GRID2IP: variants seen among roughly 807,000 people sequenced by gnomAD.
GRID2IP encodes delphilin.
In GRID2IP, 78 loss-of-function variants were observed where a neutral mutation model predicts 114.3. The observed-to-expected ratio is 0.68, with a 90% CI of 0.57 to 0.82. The LOEUF (loss-of-function observed/expected upper bound fraction) is 0.82. Ranked by LOEUF, GRID2IP falls within the 40% of genes least tolerant of loss-of-function variation. The pLI is 0.00. For synonymous variants in GRID2IP, 809 were observed against 724.0 expected (o/e 1.12, Z -1.89); for missense variants, 1,727 against 1,678.5 (o/e 1.03, Z -0.51).
intron 20 of GRID2IP, among the ~76,000 whole-genome samples, chr7:6,500,999 G>T (rs1786398606): frequency 6.6e-6 from 1 of 152,164 alleles, no homozygotes; most frequent in Non-Finnish European, 1.5e-5. Context: ...TGGCTTTGGG[G>T]CACTCAAAAG....
rs1218531868 is a variant in GRID2IP, at chr7:6,510,310, G to C, written c.1744C>G (p.Pro582Ala). The change falls in exon 11 of 22, where the codon CCA becomes GCA. Residue 582 changes from proline (P) to alanine (A), a missense_variant. Physicochemically the swap from Pro to Ala is conservative, Grantham distance 27. Coordinates refer to ENST00000457091, the MANE Select transcript of GRID2IP (RefSeq NM_001145118.2). Reference protein sequence around the residue: ...GTVSKSRASPPGPSPAVTTGP... With the variant: ...GTVSKSRASPAGPSPAVTTGP... ...GTGGTGACTGCTGGGCTGGGGCCTG[G>C]AGGGGAAGCCCGGGATTTGGACACG... 6.5e-7 allele frequency: 1 copy of C among 1,547,302 alleles called. No individual in the cohort carries two copies. Among genetic ancestry groups the C allele is most frequent in the African/African-American group, 1.4e-5 (1 of 72,926 alleles).
In GRID2IP at chr7:6,551,179, G is replaced by T. The variant is rs1298141374; in HGVS notation, c.258C>A (p.Asp86Glu). 2.9e-6 allele frequency: 4 copies of T among 1,377,938 alleles called. No individual in the cohort carries two copies. The highest frequency in any genetic ancestry group is 7.9e-5 in the Admixed American group (2 of 25,414). 85.4% of individuals were successfully genotyped at this position (1,377,938 alleles called of 1,614,324 possible). A position where few individuals can be genotyped will look rare whatever the true frequency, so the allele number is the denominator to read the frequency against. The stretch of plus-strand genomic sequence containing the variant: ...GGCCGGATCCTGGGCCGGGGCCACC[G>T]TCGGGAGCCGGGAGCACGCCCAGAC... The part of the protein sequence containing the change: ...PPSLGVLPAP[D>E]GGPGPGSGPA... The change falls in exon 1 of 22, where the codon GAC becomes GAA. Residue 86 changes from aspartate to glutamate, a missense_variant. Asp to Glu is a conservative substitution (Grantham distance 45). Transcript: ENST00000457091.
At chr7:6,503,774 G>A (rs1786489133) in intron 15 of GRID2IP, 87 bp from the exon 16 acceptor site, 2 of 1,012,678 alleles carry the variant, frequency 2.0e-6, no homozygotes, top group Non-Finnish European at 2.7e-6. Context: ...CAGAGGCGGG[G>A]AGAGGGCGGA....
At chr7:6,544,817 C>A (rs1562526092) in intron 1 of GRID2IP, among the ~76,000 whole-genome samples, 1 of 151,978 alleles carries the variant, frequency 6.6e-6, no homozygotes, top group Non-Finnish European at 1.5e-5. Flanking sequence ...CGCGGTGGCT[C>A]ATGCCTGTAA....
intron 2 of GRID2IP, among the ~76,000 whole-genome samples, chr7:6,530,566 G>A (rs1227153057): frequency 3.4e-5 from 5 of 147,408 alleles, no homozygotes; most frequent in African/African-American, 5.1e-5. Flanking sequence ...GAGCCACCGC[G>A]CCTGGCCCCC....
At position 6,511,495 on chromosome 7, in the gene GRID2IP, C is replaced by T. The variant is rs899677310; in HGVS notation, c.1424-456G>A. 9.0e-4 allele frequency among the ~76,000 whole-genome samples: 137 copies of T among 152,042 alleles called. 2 individuals carry two copies. The highest frequency in any genetic ancestry group is 3.7e-4 in the Non-Finnish European group (25 of 67,990). ...TCAAGCGATTCTCCTGCCTCAGCCTCCCAAGTAGCTGGGATTACAGGTGTC... is the reference window on the plus strand; with the variant it reads ...TCAAGCGATTCTCCTGCCTCAGCCTTCCAAGTAGCTGGGATTACAGGTGTC... On this transcript the variant is annotated intron_variant, in intron 8 of 21. Coordinates refer to ENST00000457091, the MANE Select transcript of GRID2IP (RefSeq NM_001145118.2).
chr7:6,542,910 A>T (rs745852434), intron 1 of GRID2IP, among the ~76,000 whole-genome samples: 14 of 152,126 alleles, frequency 9.2e-5, no homozygotes, highest in Non-Finnish European at 1.5e-4. Context: ...GCTGGAGCTG[A>T]CCCTGAAGCA....
chr7:6,536,978 G>C lies in GRID2IP; in HGVS notation c.584+2740C>G. The C allele has an allele frequency of 2.2e-6, 1 of 456,850 alleles. No homozygotes were observed. Among genetic ancestry groups the C allele is most frequent in the Non-Finnish European group, 4.0e-6 (1 of 252,384 alleles). The allele number at this position is 456,850 out of a possible 1,614,324, so 28.3% of individuals were successfully genotyped here. A position where few individuals can be genotyped will look rare whatever the true frequency, so the allele number is the denominator to read the frequency against. On this transcript the variant is annotated intron_variant, in intron 2 of 21. Transcript: ENST00000457091. The surrounding 1 kb of genome is among the most constrained non-coding windows in gnomAD (Gnocchi z 5.3). The stretch of plus-strand genomic sequence containing the variant: ...GACATTGGCCAGGCCCAGAGGGAGG[G>C]GCAGGCTGCGGGGTGAATGGCAGCA...
In GRID2IP at chr7:6,512,231, CTTTT is replaced by C. The variant is rs1002835555; in HGVS notation, c.1424-1196_1424-1193del. ...CACACCTGCCTTTTTTTCTTTTCTT[CTTTT>C]TTTTTTTTTTTTTTGTGACAGGTCT... is the stretch of plus-strand genomic sequence containing the variant. On this transcript the variant is annotated intron_variant, in intron 8 of 21. Transcript: ENST00000457091. Among the ~76,000 whole-genome samples, 6 of 90,192 alleles carry C rather than the reference CTTTT, an allele frequency of 6.7e-5. 1 individual carries two copies. Among genetic ancestry groups the C allele is most frequent in the Non-Finnish European group, 1.1e-4 (5 of 47,368 alleles). The allele number at this position is 90,192 out of a possible 152,430, so 59.2% of individuals were successfully genotyped here.
At chr7:6,502,256 G>T in intron 18 of GRID2IP, 138 bp from the exon 19 acceptor site, 1 of 773,144 alleles carries the variant, frequency 1.3e-6, no homozygotes, top group Non-Finnish European at 2.1e-6. Context: ...GCAGGGTCTT[G>T]CTCTGTTGCC....
chr7:6,526,504 C>T lies in GRID2IP; in HGVS notation c.833+17G>A. 7.5e-7 allele frequency: 1 copy of T among 1,335,084 alleles called. No individual in the cohort carries two copies. The highest frequency in any genetic ancestry group is 9.6e-7 in the Non-Finnish European group (1 of 1,044,704). 82.7% of individuals were successfully genotyped at this position (1,335,084 alleles called of 1,614,324 possible). On this transcript the variant is annotated intron_variant, in intron 3 of 21. Transcript: ENST00000457091. This position sits in a 1 kb window ranked among gnomAD's most constrained non-coding sequence, Gnocchi z 7.6. ...GCAGGGAGGCGCCCGCTGCCAGTGC[C>T]TGTGAGCCCCGCGTACCTGCGCGCG...
intron 2 of GRID2IP, among the ~76,000 whole-genome samples, chr7:6,535,611 A>G (rs1252084318): frequency 1.3e-5 from 2 of 152,066 alleles, no homozygotes; most frequent in African/African-American, 4.8e-5. Context: ...CACACCTGTA[A>G]TCCCAGCACT....
Position 6,508,258 on chromosome 7 carries a change from T to C in GRID2IP, c.2271A>G (p.Pro757=), listed in dbSNP as rs897429366. ...CATGGAAAGGCAGGGGTGGCGGTGG[T>C]GGGGGGCTGAGCGGGGGTGGGGGGA... The part of the protein sequence containing the change: ...DHIPPPPLSP[P]PPPPLPFHDA... The change falls in exon 13 of 22, where the codon CCA becomes CCG. Residue 757 remains proline, a synonymous_variant. Transcript: ENST00000457091. This position sits in a 1 kb window ranked among gnomAD's most constrained non-coding sequence, Gnocchi z 5.6. 8 of 312,940 alleles carry C rather than the reference T, an allele frequency of 2.6e-5. No individual in the cohort carries two copies. Among genetic ancestry groups the C allele is most frequent in the Non-Finnish European group, 3.5e-5 (8 of 226,386 alleles). 19.4% of individuals were successfully genotyped at this position (312,940 alleles called of 1,614,324 possible).
At position 6,508,507 on chromosome 7, in the gene GRID2IP, A is replaced by G; in HGVS notation, c.2128-106T>C. ...GATAGCCTGGGACAAGGACAGGGCCATCTCACGGGTTAGCCTCAGGCTGTG... is the reference window on the plus strand; with the variant it reads ...GATAGCCTGGGACAAGGACAGGGCCGTCTCACGGGTTAGCCTCAGGCTGTG... On this transcript the variant is annotated intron_variant, in intron 12 of 21. Coordinates refer to ENST00000457091, the MANE Select transcript of GRID2IP (RefSeq NM_001145118.2). This position sits in a 1 kb window ranked among gnomAD's most constrained non-coding sequence, Gnocchi z 5.6. 3 of 1,509,018 alleles carry G rather than the reference A, an allele frequency of 2.0e-6. No homozygotes were observed. The highest frequency in any genetic ancestry group is 2.2e-4 in the Middle Eastern group (1 of 4,568). 93.5% of individuals were successfully genotyped at this position (1,509,018 alleles called of 1,614,324 possible).
Position 6,520,014 on chromosome 7 carries a change from G to A in GRID2IP, c.1268+564C>T, listed in dbSNP as rs893503348. 6.6e-6 allele frequency among the ~76,000 whole-genome samples: 1 copy of A among 152,128 alleles called. No homozygotes were observed. Among genetic ancestry groups the A allele is most frequent in the Non-Finnish European group, 1.5e-5 (1 of 68,028 alleles). Reference sequence around the variant, plus strand: ...GGTGGGCCAAGGCACGGTGGCTCACGCCTGTAATCCCAGCACTTTGGGAGG... The same window carrying A: ...GGTGGGCCAAGGCACGGTGGCTCACACCTGTAATCCCAGCACTTTGGGAGG... On this transcript the variant is annotated intron_variant, in intron 7 of 21. Coordinates refer to ENST00000457091, the MANE Select transcript of GRID2IP (RefSeq NM_001145118.2). This position sits in a 1 kb window ranked among gnomAD's most constrained non-coding sequence, Gnocchi z 4.6.
Position 6,546,755 on chromosome 7 carries a change from C to G in GRID2IP, c.429+4253G>C, listed in dbSNP as rs572858683. Among the ~76,000 whole-genome samples, 4 of 152,100 alleles carry G rather than the reference C, an allele frequency of 2.6e-5. No homozygotes were observed. In the East Asian group the frequency reaches 5.8e-4, roughly 22 times the overall value. Reference sequence around the variant, plus strand: ...ACTGCAGCTGGCCTGGGCAGCCTGTCGGATTCTACCCTCAGCGGGTTGCTG... The same window carrying G: ...ACTGCAGCTGGCCTGGGCAGCCTGTGGGATTCTACCCTCAGCGGGTTGCTG... On this transcript the variant is annotated intron_variant, in intron 1 of 21. Transcript: ENST00000457091.
At chr7:6,499,084 T>G (rs1786341716) in intron 20 of GRID2IP, among the ~76,000 whole-genome samples, 1 of 152,218 alleles carries the variant, frequency 6.6e-6, no homozygotes, top group Non-Finnish European at 1.5e-5. Flanking sequence ...GGTGCCGAGC[T>G]TTGTTCCAAG....
chr7:6,509,784 C>A lies in GRID2IP; in HGVS notation c.1772-471G>T, dbSNP rs146812738. Among the ~76,000 whole-genome samples the A allele has an allele frequency of 6.6e-6, 1 of 152,324 alleles. No individual in the cohort carries two copies. Among genetic ancestry groups the A allele is most frequent in the African/African-American group, 2.4e-5 (1 of 41,576 alleles). Reference sequence around the variant, plus strand: ...TTGCACTTGATCATTTATCCAATAACCACTTGCTAACTCGGGGACTTCCTC... The same window carrying A: ...TTGCACTTGATCATTTATCCAATAAACACTTGCTAACTCGGGGACTTCCTC... On this transcript the variant is annotated intron_variant, in intron 11 of 21. Coordinates refer to ENST00000457091, the MANE Select transcript of GRID2IP (RefSeq NM_001145118.2). The surrounding 1 kb of genome is among the most constrained non-coding windows in gnomAD (Gnocchi z 4.9).
At chr7:6,512,806 C>T (rs928333799) in intron 8 of GRID2IP, among the ~76,000 whole-genome samples, 2 of 152,062 alleles carry the variant, frequency 1.3e-5, no homozygotes, top group Non-Finnish European at 2.9e-5. Flanking sequence ...TCACCGCGCA[C>T]GGCCACCCCT....
Sources: gnomAD v4.1 joint callset for allele counts (sites outside exome capture counted in the v4.1 genomes callset) on GRCh38, gnomAD v4.1.1 for gene constraint, Gnocchi (gnomAD v3.1) non-coding constraint, MANE v1.5 for transcripts, NCBI Gene and HGNC (gene_info 2026-07-23, HGNC 2026-07-21) for gene names.